The following SVOPL variants were observed in gnomAD, a reference collection of about 807,000 sequenced individuals.
The protein encoded by SVOPL is SVOP like, also known as putative transporter SVOPL.
SVOPL carries 60 observed loss-of-function variants against 61.0 expected under a neutral mutation model. The observed-to-expected ratio is 0.98, with a 90% confidence interval of 0.80 to 1.22. SVOPL has a LOEUF of 1.22. Among genes scored for constraint, SVOPL ranks in the 50% most tolerant of loss-of-function variants. The pLI is 0.00. For synonymous variants in SVOPL, 279 were observed against 250.0 expected (o/e 1.12, Z -1.09); for missense variants, 662 against 643.9 (o/e 1.03, Z -0.30).
intron 14 of SVOPL, among the ~76,000 whole-genome samples, chr7:138,604,873 G>GA (rs1186426599): frequency 1.3e-5 from 2 of 151,610 alleles, no homozygotes; most frequent in African/African-American, 4.8e-5. Flanking sequence ...TTTATTTTAC[G>GA]AAAAAATAAA....
chr7:138,611,841 C>T (rs1460758617), intron 14 of SVOPL, among the ~76,000 whole-genome samples: 11 of 69,844 alleles, frequency 1.6e-4, no homozygotes, highest in South Asian at 1.4e-3. Flanking sequence ...GCCTTGGCCT[C>T]CCAAAGTGCC....
chr7:138,657,777 A>G (rs1016746093), intron 6 of SVOPL, among the ~76,000 whole-genome samples: 1 of 152,192 alleles, frequency 6.6e-6, no homozygotes, highest in Non-Finnish European at 1.5e-5. Flanking sequence ...TAACACATGA[A>G]GGCAGTAATT....
At chr7:138,655,493 G>A (rs1026744945) in intron 7 of SVOPL, among the ~76,000 whole-genome samples, 12 of 151,890 alleles carry the variant, frequency 7.9e-5, no homozygotes, top group South Asian at 4.2e-4. Flanking sequence ...CAACAAGAGC[G>A]AAACTCCATT....
At chr7:138,677,005 G>T (rs1414950911) in intron 3 of SVOPL, among the ~76,000 whole-genome samples, 1 of 144,058 alleles carries the variant, frequency 6.9e-6, no homozygotes. Flanking sequence ...CCGGATTCAC[G>T]CCATTCTCCT....
At chr7:138,656,349 C>T (rs932036930) in intron 7 of SVOPL, 99 bp downstream of exon 7, 45 of 1,201,056 alleles carry the variant, frequency 3.7e-5, no homozygotes, top group East Asian at 9.4e-5. Flanking sequence ...TTAATTGCAG[C>T]GAGCTGGTAC....
intron 5 of SVOPL, 41 bp from the exon 6 acceptor site, chr7:138,660,029 T>C (rs1801934372): frequency 6.5e-7 from 1 of 1,548,224 alleles, no homozygotes; most frequent in Non-Finnish European, 8.7e-7. Context: ...CCTGCCTCAA[T>C]GCGGGGAGGG....
At chr7:138,633,047 A>G (rs1800288748) in intron 9 of SVOPL, among the ~76,000 whole-genome samples, 1 of 152,166 alleles carries the variant, frequency 6.6e-6, no homozygotes, top group African/African-American at 2.4e-5. Context: ...CCTAGCAACT[A>G]GTTCATCCTC....
chr7:138,686,765 T>C (rs1802827958), intron 1 of SVOPL, among the ~76,000 whole-genome samples: 1 of 152,002 alleles, frequency 6.6e-6, no homozygotes. Context: ...GGTTTCTCTG[T>C]GTTGGTCAGG....
At chr7:138,615,790 G>A (rs62485303) in intron 14 of SVOPL, among the ~76,000 whole-genome samples, 25,444 of 134,568 alleles carry the variant, frequency 0.19, 4,308 homozygotes, top group East Asian at 0.52. Context: ...GTGAGACTCC[G>A]TCTGGGGGAG....
rs889181027 is a variant in SVOPL, at chr7:138,638,080, C to G, written c.789+6637G>C. Among the ~76,000 whole-genome samples, 6 of 152,142 alleles carry G rather than the reference C, an allele frequency of 3.9e-5. No individual in the cohort carries two copies. The East Asian group carries it at 5.8e-4, about 15-fold the overall frequency. ...CTTGAGGTCAGGAGTTTGAGAACAG[C>G]CTGGCTAACATGGTGAAACCCCATC... On this transcript the variant is annotated intron_variant, in intron 9 of 15. Transcript: ENST00000674285.
At chr7:138,670,052 T>C (rs1802377061) in intron 4 of SVOPL, among the ~76,000 whole-genome samples, 1 of 152,192 alleles carries the variant, frequency 6.6e-6, no homozygotes, top group African/African-American at 2.4e-5. Context: ...CTACCACTTA[T>C]ACCACAGCCC....
intron 9 of SVOPL, among the ~76,000 whole-genome samples, chr7:138,638,098 A>G (rs1800584854): frequency 6.6e-6 from 1 of 151,892 alleles, no homozygotes; most frequent in African/African-American, 2.4e-5. Flanking sequence ...ACATGGTGAA[A>G]CCCCATCTCT....
chr7:138,616,232 A>G (rs1340957236), intron 14 of SVOPL, among the ~76,000 whole-genome samples: 2 of 152,252 alleles, frequency 1.3e-5, no homozygotes, highest in African/African-American at 4.8e-5. Flanking sequence ...AGCTAGGGCT[A>G]AAGTGACTGA....
chr7:138,661,087 C>T (rs1801981296), intron 5 of SVOPL: 8 of 985,062 alleles, frequency 8.1e-6, no homozygotes, highest in Non-Finnish European at 9.6e-6. Flanking sequence ...AGAATCTATG[C>T]TATTTATTTC....
chr7:138,596,381 A>G (rs1181770495), intron 15 of SVOPL, 36 bp downstream of exon 15: 1 of 1,592,084 alleles, frequency 6.3e-7, no homozygotes, highest in Non-Finnish European at 8.6e-7. Flanking sequence ...CAAAAGTGGT[A>G]GTTGAAAAGA....
chr7:138,599,441 A>G (rs1041345488), intron 14 of SVOPL, among the ~76,000 whole-genome samples: 1 of 152,332 alleles, frequency 6.6e-6, no homozygotes, highest in African/African-American at 2.4e-5. Context: ...GGTTTATTAT[A>G]ACAGGGAAAT....
At chr7:138,667,955 C>G (rs1049859106) in intron 4 of SVOPL, among the ~76,000 whole-genome samples, 6 of 152,202 alleles carry the variant, frequency 3.9e-5, no homozygotes, top group African/African-American at 1.4e-4. Flanking sequence ...CTTTGTAGGA[C>G]TAACAAATTA....
intron 9 of SVOPL, among the ~76,000 whole-genome samples, chr7:138,641,814 T>TTATATATATATAATATGTTATATATA: frequency 8.3e-6 from 1 of 120,978 alleles, no homozygotes; most frequent in Non-Finnish European, 1.7e-5. Context: ...TATATATATG[T>TTATATATATATAATATGTTATATATA]TATATATATA....
rs139546934 is a variant in SVOPL at position 138,608,390 on chromosome 7, C to T, written c.1354-11860G>A. On this transcript the variant is annotated intron_variant, in intron 14 of 15. Transcript: ENST00000674285. Reference sequence around the variant, plus strand: ...CAGACAGATCAATGGACTAAAATAGCGAGCTAGAAATAGGCCAATTGCGGG... The same window carrying T: ...CAGACAGATCAATGGACTAAAATAGTGAGCTAGAAATAGGCCAATTGCGGG... 7.0e-4 allele frequency among the ~76,000 whole-genome samples: 107 copies of T among 152,276 alleles called. 1 individual carries two copies. The highest frequency in any genetic ancestry group is 2.5e-3 in the African/African-American group (104 of 41,560).
Sources: allele counts gnomAD v4.1 joint callset (sites outside exome capture counted in the v4.1 genomes callset), GRCh38; gene constraint gnomAD v4.1.1; transcripts MANE v1.5; gene names NCBI Gene and HGNC (gene_info 2026-07-23, HGNC 2026-07-21).